Variants in ZMAT3 observed in about 807,000 individuals in gnomAD.
ZMAT3 encodes the protein zinc finger matrin-type 3.
Under a neutral mutation model 32.3 loss-of-function variants are expected in ZMAT3, and 17 were observed. The ratio of observed to expected loss-of-function variants is 0.53; its 90% CI spans 0.36 to 0.79. ZMAT3 has a LOEUF of 0.79. Among genes scored for constraint, ZMAT3 ranks in the 30% least tolerant of loss-of-function variants. ZMAT3 has a pLI of 0.00. For synonymous variants in ZMAT3, 120 were observed against 133.1 expected (o/e 0.90, Z 0.68); for missense variants, 329 against 359.7 (o/e 0.91, Z 0.69).
chr3:179,039,383 T>C lies in ZMAT3; in HGVS notation c.271-8384A>G, dbSNP rs919524454. Among the ~76,000 whole-genome samples, 4 of 151,698 alleles carry C rather than the reference T, an allele frequency of 2.6e-5. No individual in the cohort carries two copies. In the East Asian group the frequency reaches 7.7e-4, roughly 29 times the overall value. ...CCGGAGGAAGGATCAGGCAGCAATA[T>C]TTGCTGTTCTGCAATATTTGCTGTT... On this transcript the variant is annotated intron_variant, in intron 2 of 5. Transcript: ENST00000311417.
At chr3:179,042,657 C>T (rs1471105607) in intron 2 of ZMAT3, among the ~76,000 whole-genome samples, 6 of 152,184 alleles carry the variant, frequency 3.9e-5, no homozygotes, top group Non-Finnish European at 7.3e-5. Context: ...TCTTTGAAAA[C>T]TGGCACAAGA....
chr3:179,062,685 G>C (rs554267773), intron 2 of ZMAT3, among the ~76,000 whole-genome samples: 3 of 152,322 alleles, frequency 2.0e-5, no homozygotes, highest in South Asian at 4.1e-4. Context: ...TGACAGACGA[G>C]TAGTATGGTT....
intron 3 of ZMAT3, among the ~76,000 whole-genome samples, chr3:179,030,596 C>T (rs767193513): frequency 3.3e-5 from 5 of 152,088 alleles, no homozygotes; most frequent in African/African-American, 7.2e-5. Flanking sequence ...CCTCGTGATT[C>T]GCCCGTCTCG....
upstream of ZMAT3, chr3:179,072,043 A>G (rs1235727728): frequency 2.0e-5 from 3 of 152,542 alleles, no homozygotes; most frequent in Non-Finnish European, 4.4e-5. Context: ...CCCGCCGCCA[A>G]TCTCAGCAGA....
intron 1 of ZMAT3, among the ~76,000 whole-genome samples, chr3:179,071,117 G>A (rs1001025062): frequency 1.3e-5 from 2 of 152,198 alleles, no homozygotes; most frequent in African/African-American, 4.8e-5. Context: ...GAGGCAAGGT[G>A]TATCCTATAA....
At chr3:179,032,897 G>A (rs79005236) in intron 2 of ZMAT3, among the ~76,000 whole-genome samples, 55,023 of 149,080 alleles carry the variant, frequency 0.37, 10,275 homozygotes, top group East Asian at 0.52. Context: ...CCGCTACACC[G>A]TCTGGGAGGT....
At chr3:179,042,818 G>A (rs1436110374) in intron 2 of ZMAT3, among the ~76,000 whole-genome samples, 7 of 152,154 alleles carry the variant, frequency 4.6e-5, no homozygotes, top group Non-Finnish European at 8.8e-5. Flanking sequence ...TGTATATTTA[G>A]AAAACCCCAT....
intron 2 of ZMAT3, among the ~76,000 whole-genome samples, chr3:179,048,602 A>C (rs1422061776): frequency 6.6e-6 from 1 of 152,242 alleles, no homozygotes; most frequent in Non-Finnish European, 1.5e-5. Context: ...TTTGTCAGAC[A>C]AAAAACTTCT....
In ZMAT3 at chr3:179,023,711, T is replaced by TATATA. The variant is rs57477590; in HGVS notation, c.*1305_*1306insTATAT. ...GAAAATATATCTATATATATATATA[T>TATATA]TTTTTTTTTTTTTTTTTTTTTTTTT... On this transcript the variant is annotated 3_prime_UTR_variant, in exon 6 of 6. Coordinates refer to ENST00000311417, the MANE Select transcript of ZMAT3 (RefSeq NM_022470.4). 31 of 15,080 alleles carry TATATA rather than the reference T, an allele frequency of 2.1e-3. 6 individuals carry two copies. In the South Asian group the frequency reaches 0.023, roughly 11 times the overall value. The allele number at this position is 15,080 out of a possible 1,614,324, so 0.9% of individuals were successfully genotyped here.
intron 3 of ZMAT3, among the ~76,000 whole-genome samples, chr3:179,029,603 A>C (rs906941190): frequency 6.6e-6 from 1 of 152,188 alleles, no homozygotes; most frequent in Non-Finnish European, 1.5e-5. Flanking sequence ...ACCTGAGACT[A>C]CAGGCACACA....
chr3:179,052,319 A>G (rs1398731137), intron 2 of ZMAT3, among the ~76,000 whole-genome samples: 1 of 152,250 alleles, frequency 6.6e-6, no homozygotes, highest in Admixed American at 6.5e-5. Context: ...CAATACCATC[A>G]AAAAGTGGCC....
At chr3:179,055,075 G>T (rs1391239532) in intron 2 of ZMAT3, among the ~76,000 whole-genome samples, 1 of 152,202 alleles carries the variant, frequency 6.6e-6, no homozygotes, top group Non-Finnish European at 1.5e-5. Flanking sequence ...CATCTTGGGA[G>T]CTCTGGGAGC....
Position 179,030,932 on chromosome 3 carries a change from ATTCTAG to A in ZMAT3, c.332_337del (p.Ala111_Met113delinsVal). The A allele has an allele frequency of 6.2e-7, 1 of 1,613,994 alleles. No homozygotes were observed. Among genetic ancestry groups the A allele is most frequent in the South Asian group, 1.1e-5 (1 of 91,012 alleles). ...AGCTGCAGGCTCGACCACATTGCTC[ATTCTAG>A]CAGGAGGAGGACAGCTATTTGCTGC... On this transcript the variant is annotated inframe_deletion, in exon 3 of 6. Coordinates refer to ENST00000311417, the MANE Select transcript of ZMAT3 (RefSeq NM_022470.4).
chr3:179,018,258 T>G lies in ZMAT3; in HGVS notation c.*6759A>C, dbSNP rs1158428830. ...ATAGAACATTTATTATTTTCACTAG[T>G]GAGGGGGTCACTTAAGCACTTACAA... On this transcript the variant is annotated 3_prime_UTR_variant, in exon 6 of 6. Transcript: ENST00000311417. The G allele has an allele frequency of 6.6e-6, 1 of 151,976 alleles. No homozygotes were observed. Among genetic ancestry groups the G allele is most frequent in the African/African-American group, 2.4e-5 (1 of 41,376 alleles). 9.4% of individuals were successfully genotyped at this position (151,976 alleles called of 1,614,324 possible). A position where few individuals can be genotyped will look rare whatever the true frequency, so the allele number is the denominator to read the frequency against.
At chr3:179,047,112 C>T (rs1039280431) in intron 2 of ZMAT3, among the ~76,000 whole-genome samples, 5 of 152,176 alleles carry the variant, frequency 3.3e-5, no homozygotes, top group Non-Finnish European at 4.4e-5. Flanking sequence ...CTTCACTCCC[C>T]GGCTACCTCC....
chr3:179,040,852 G>GAGGCTCAAAATAA (rs2108555858), intron 2 of ZMAT3, among the ~76,000 whole-genome samples: 1 of 150,748 alleles, frequency 6.6e-6, no homozygotes, highest in South Asian at 2.1e-4. Context: ...AAGACACACA[G>GAGGCTCAAAATAA]AGGCTCAAAA....
intron 2 of ZMAT3, among the ~76,000 whole-genome samples, chr3:179,061,226 C>T (rs752942269): frequency 1.3e-5 from 2 of 152,096 alleles, no homozygotes; most frequent in Admixed American, 6.5e-5. Context: ...GCAAACCCAA[C>T]AGACTCCAGC....
At chr3:179,039,034 G>C (rs1719764329) in intron 2 of ZMAT3, among the ~76,000 whole-genome samples, 1 of 152,250 alleles carries the variant, frequency 6.6e-6, no homozygotes, top group Non-Finnish European at 1.5e-5. Context: ...GCTGAGGCTT[G>C]AGTAGGTAAA....
Position 179,022,285 on chromosome 3 carries a change from C to A in ZMAT3, c.*2732G>T, listed in dbSNP as rs935980783. The A allele has an allele frequency of 6.6e-6, 1 of 152,036 alleles. No homozygotes were observed. Among genetic ancestry groups the A allele is most frequent in the Non-Finnish European group, 1.5e-5 (1 of 68,004 alleles). 9.4% of individuals were successfully genotyped at this position (152,036 alleles called of 1,614,324 possible). A position where few individuals can be genotyped will look rare whatever the true frequency, so the allele number is the denominator to read the frequency against. On this transcript the variant is annotated 3_prime_UTR_variant, in exon 6 of 6. Coordinates refer to ENST00000311417, the MANE Select transcript of ZMAT3 (RefSeq NM_022470.4). ...GTTAAGTGGAGAGAGCAAGGGGAAC[C>A]CTTCTTATAAAACTATTTCCAATGG...
Sources: allele counts gnomAD v4.1 joint callset (sites outside exome capture counted in the v4.1 genomes callset), GRCh38; gene constraint gnomAD v4.1.1; transcripts MANE v1.5; gene names NCBI Gene and HGNC (gene_info 2026-07-23, HGNC 2026-07-21).